Variants in ITGAM observed in about 807,000 individuals in gnomAD.
The protein encoded by ITGAM is integrin subunit alpha M.
A neutral mutation model predicts 137.5 loss-of-function variants in ITGAM; 79 were observed. The ratio of observed to expected loss-of-function variants is 0.57; its 90% CI spans 0.48 to 0.69. ITGAM has a LOEUF of 0.69. Ranked by LOEUF, ITGAM falls within the 30% of genes least tolerant of loss-of-function variation. The pLI is 0.00. For missense variants in ITGAM, 1,343 were observed against 1,483.5 expected (o/e 0.91, Z 1.56); for synonymous variants, 583 against 592.3 (o/e 0.98, Z 0.23).
Position 31,265,382 on chromosome 16 carries a change from C to T in ITGAM, c.135-13C>T. The T allele has an allele frequency of 1.3e-6, 2 of 1,535,130 alleles. No individual in the cohort carries two copies. The highest frequency in any genetic ancestry group is 1.8e-6 in the Non-Finnish European group (2 of 1,128,550). The stretch of plus-strand genomic sequence containing the variant: ...CATGTCGAAGTTTTCTCTGTTCCCA[C>T]TTCTCCCCACAGGGTGGTGGTTGGA... On this transcript the variant is annotated splice_polypyrimidine_tract_variant and intron_variant, in intron 2 of 29. Transcript: ENST00000544665.
intron 5 of ITGAM, among the ~76,000 whole-genome samples, chr16:31,266,417 TA>T (rs11331941): frequency 0.71 from 91,917 of 129,612 alleles, 32,623 homozygotes; most frequent in Middle Eastern, 0.86. Context: ...ATCCTGTCTC[TA>T]AAAAAAAAAA....
intron 21 of ITGAM, 54 bp from the exon 22 acceptor site, chr16:31,326,802 G>T: frequency 8.4e-7 from 1 of 1,189,888 alleles, no homozygotes; most frequent in Non-Finnish European, 1.3e-6. Flanking sequence ...ACGGGCATTT[G>T]GGTTATTTTT....
At chr16:31,310,400 ATTCT>A (rs1247330691) in intron 14 of ITGAM, among the ~76,000 whole-genome samples, 1 of 151,912 alleles carries the variant, frequency 6.6e-6, no homozygotes, top group Non-Finnish European at 1.5e-5. Flanking sequence ...ATTTCTTTTT[ATTCT>A]TTTTTCTCTA....
chr16:31,320,241 C>A (rs944402407), intron 14 of ITGAM, among the ~76,000 whole-genome samples: 1 of 152,208 alleles, frequency 6.6e-6, no homozygotes, highest in African/African-American at 2.4e-5. Context: ...GCACTCTATA[C>A]TTTTATTCCC....
intron 14 of ITGAM, among the ~76,000 whole-genome samples, chr16:31,302,468 TTTCTTTCTTTCTTTCTTTTTTCTTTCC>T (rs2080214519): frequency 8.5e-6 from 1 of 118,312 alleles, no homozygotes; most frequent in Non-Finnish European, 1.6e-5. Context: ...CCTTTCTTTC[TTTCTTTCTTTCTTTCTTTTTTCTTTCC>T]TTCTTTCTTT....
At position 31,325,548 on chromosome 16, in the gene ITGAM, T is replaced by A. The variant is rs1408053689; in HGVS notation, c.2554T>A (p.Ser852Thr). Residue 852 changes from serine to threonine, a missense_variant, in exon 21 of 30, where the codon TCC becomes ACC. By Grantham distance (58) the Ser-to-Thr change is moderately conservative. Transcript: ENST00000544665. ...SWRLACESAS[S>T]TEVSGALKST... ...GCGCCTGGCCTGTGAGTCTGCCTCC[T>A]CCACCGAAGTGTCTGGGGCCTTGAA... 1.6e-5 allele frequency: 26 copies of A among 1,613,778 alleles called. No homozygotes were observed. Among genetic ancestry groups the A allele is most frequent in the Non-Finnish European group, 2.2e-5 (26 of 1,179,880 alleles).
intron 22 of ITGAM, among the ~76,000 whole-genome samples, chr16:31,327,147 C>T (rs191208562): frequency 5.3e-5 from 8 of 152,266 alleles, no homozygotes; most frequent in East Asian, 1.9e-4. Flanking sequence ...CCTGCCCTCT[C>T]GGAGATGATA....
intron 14 of ITGAM, among the ~76,000 whole-genome samples, chr16:31,316,358 G>A (rs1207412361): frequency 6.7e-6 from 1 of 150,070 alleles, no homozygotes; most frequent in East Asian, 2.0e-4. Flanking sequence ...CTGCACTCCA[G>A]CCTGGGTAAC....
intron 27 of ITGAM, 34 bp from the exon 28 acceptor site, chr16:31,330,470 C>T (rs1229225502): frequency 1.2e-6 from 2 of 1,610,934 alleles, no homozygotes; most frequent in Admixed American, 3.3e-5. Flanking sequence ...GTGCTCAGGG[C>T]CCAGGTGCAG....
chr16:31,269,698 T>A (rs896808514), intron 5 of ITGAM, among the ~76,000 whole-genome samples: 2 of 152,122 alleles, frequency 1.3e-5, no homozygotes, highest in African/African-American at 2.4e-5. Context: ...GGCAAGCAGG[T>A]CTGTTGCCAC....
chr16:31,297,905 A>G lies in ITGAM; in HGVS notation c.1658A>G (p.Tyr553Cys), dbSNP rs1221730368. Residue 553 changes from tyrosine (Y) to cysteine (C), a missense_variant, in exon 14 of 30, where the codon TAC (tyrosine) becomes TGC (cysteine). Tyr to Cys is a radical substitution (Grantham distance 194). Coordinates refer to ENST00000544665, the MANE Select transcript of ITGAM (RefSeq NM_000632.4). ...PGEEDNRGAV[Y>C]LFHGTSGSGI... is the part of the protein sequence containing the mutation. ...GAGGAGGACAACCGGGGTGCTGTTT[A>G]CCTGTTTCACGGAACCTCAGGATCT... The G allele has an allele frequency of 2.5e-6, 4 of 1,613,746 alleles. No individual in the cohort carries two copies. Among genetic ancestry groups the G allele is most frequent in the Non-Finnish European group, 3.4e-6 (4 of 1,179,944 alleles).
chr16:31,329,774 C>T, intron 24 of ITGAM, 24 bp from the exon 25 acceptor site: 5 of 1,543,954 alleles, frequency 3.2e-6, no homozygotes, highest in Non-Finnish European at 4.4e-6. Flanking sequence ...GGCCAGAGCC[C>T]TGACCCCGCC....
chr16:31,306,986 C>A lies in ITGAM; in HGVS notation c.1707+9032C>A, dbSNP rs934147438. On this transcript the variant is annotated intron_variant, in intron 14 of 29. Coordinates refer to ENST00000544665, the MANE Select transcript of ITGAM (RefSeq NM_000632.4). Reference sequence around the variant, plus strand: ...AAAACACACATAAACGCAAGTGAGACTAAAAGTTGTGTCACAAAAGAAAAA... The same window carrying A: ...AAAACACACATAAACGCAAGTGAGAATAAAAGTTGTGTCACAAAAGAAAAA... 2.6e-5 allele frequency among the ~76,000 whole-genome samples: 4 copies of A among 152,150 alleles called. No homozygotes were observed. The South Asian group carries it at 6.2e-4, about 24-fold the overall frequency.
At chr16:31,268,360 A>G (rs1384737862) in intron 5 of ITGAM, among the ~76,000 whole-genome samples, 1 of 152,224 alleles carries the variant, frequency 6.6e-6, no homozygotes, top group Non-Finnish European at 1.5e-5. Context: ...TATATAATAC[A>G]TACACTTGGT....
At chr16:31,272,579 G>A (rs1424160849) in intron 7 of ITGAM, among the ~76,000 whole-genome samples, 1 of 135,686 alleles carries the variant, frequency 7.4e-6, no homozygotes, top group Admixed American at 7.9e-5. Context: ...CACCTCCTGG[G>A]TTCAAGCAAT....
At chr16:31,304,478 C>T (rs1255296316) in intron 14 of ITGAM, among the ~76,000 whole-genome samples, 1 of 152,014 alleles carries the variant, frequency 6.6e-6, no homozygotes, top group African/African-American at 2.4e-5. Context: ...AATTAGGTCC[C>T]ATTTATTGGT....
intron 14 of ITGAM, among the ~76,000 whole-genome samples, chr16:31,316,259 G>A (rs1489713978): frequency 7.1e-6 from 1 of 140,420 alleles, no homozygotes; most frequent in Non-Finnish European, 1.5e-5. Flanking sequence ...ATGGTGGTGG[G>A]CACCTGTAGT....
chr16:31,260,124 G>C (rs780958268), intron 1 of ITGAM, 32 bp downstream of exon 1: 11 of 1,421,302 alleles, frequency 7.7e-6, no homozygotes, highest in Non-Finnish European at 1.1e-5. Flanking sequence ...GACTCTGGGT[G>C]GGGAGGAGGG....
At chr16:31,312,169 A>G (rs1199586664) in intron 14 of ITGAM, among the ~76,000 whole-genome samples, 1 of 150,048 alleles carries the variant, frequency 6.7e-6, no homozygotes, top group Non-Finnish European at 1.5e-5. Flanking sequence ...TAGCATTAGG[A>G]GATATACCTA....
Sources: allele counts gnomAD v4.1 joint callset (sites outside exome capture counted in the v4.1 genomes callset), GRCh38; gene constraint gnomAD v4.1.1; transcripts MANE v1.5; gene names NCBI Gene and HGNC (gene_info 2026-07-23, HGNC 2026-07-21).